BRD4: variants seen among roughly 807,000 people sequenced by gnomAD.
BRD4 encodes the protein bromodomain containing 4, also known as bromodomain-containing protein 4.
Under a neutral mutation model 142.1 loss-of-function variants are expected in BRD4, and 16 were observed. The ratio of observed to expected loss-of-function variants is 0.11; its 90% CI spans 0.08 to 0.17. The LOEUF (loss-of-function observed/expected upper bound fraction) is 0.17. Ranked by LOEUF, BRD4 falls within the 10% of genes least tolerant of loss-of-function variation. BRD4 has a pLI of 1.00. For missense variants in BRD4, 1,424 were observed against 1,810.9 expected (o/e 0.79, Z 3.88); for synonymous variants, 833 against 707.5 (o/e 1.18, Z -2.82).
rs1286545979 is a variant in BRD4, at chr19:15,239,199, G to A, written c.3642C>T (p.Ser1214=). 6.2e-7 allele frequency: 1 copy of A among 1,613,054 alleles called. No homozygotes were observed. The highest frequency in any genetic ancestry group is 8.5e-7 in the Non-Finnish European group (1 of 1,180,042). The change falls in exon 18 of 20, where the codon TCC becomes TCT. Residue 1214 remains serine, a synonymous_variant. Transcript: ENST00000679869. This position sits in a 1 kb window ranked among gnomAD's most constrained non-coding sequence, Gnocchi z 7.4. ...SLVQKHPTTP[S]STAKSSSDSF... ...TGTCGCTGGATGACTTGGCTGTGGA[G>A]GAGGGGGTGGTCGGATGCTTCTGCA...
At position 15,238,881 on chromosome 19, in the gene BRD4, C is replaced by CTGT. The variant is rs768491171; in HGVS notation, c.3879_3881dup (p.Gln1300dup). The CTGT allele has an allele frequency of 1.9e-6, 3 of 1,597,444 alleles. No individual in the cohort carries two copies. In the East Asian group the frequency reaches 6.8e-5, roughly 36 times the overall value. Reference sequence around the variant, plus strand: ...CAGCTGCTTGCTGTTGCTGCTGCTGCTGTTGCTCCTGGCGCTGCTGCTGCT... The same window carrying CTGT: ...CAGCTGCTTGCTGTTGCTGCTGCTGCTGTTGTTGCTCCTGGCGCTGCTGCTGCT... On this transcript the variant is annotated inframe_insertion, in exon 19 of 20. Transcript: ENST00000679869. The surrounding 1 kb of genome is among the most constrained non-coding windows in gnomAD (Gnocchi z 7.2).
chr19:15,303,328 C>G (rs2047887522), intron 1 of BRD4, among the ~76,000 whole-genome samples: 1 of 152,128 alleles, frequency 6.6e-6, no homozygotes, highest in African/African-American at 2.4e-5. Flanking sequence ...ACTAATGCTT[C>G]CTGGAGGACC....
Position 15,276,245 on chromosome 19 carries a change from T to C in BRD4, c.-34-3112A>G, listed in dbSNP as rs200393290. Reference sequence around the variant, plus strand: ...AGGAAAACCAACCACTTCTAGTCTGTTATGGGGCAAGAAAGAGAGGTACAG... The same window carrying C: ...AGGAAAACCAACCACTTCTAGTCTGCTATGGGGCAAGAAAGAGAGGTACAG... On this transcript the variant is annotated intron_variant, in intron 1 of 19. Coordinates refer to ENST00000679869, the MANE Select transcript of BRD4 (RefSeq NM_001379291.1). 6.6e-5 allele frequency among the ~76,000 whole-genome samples: 10 copies of C among 152,326 alleles called. No individual in the cohort carries two copies. In the East Asian group the frequency reaches 1.4e-3, roughly 21 times the overall value.
rs746064637 is a variant in BRD4 at position 15,254,164 on chromosome 19, C to T, written c.2146G>A (p.Asp716Asn). 1.2e-6 allele frequency: 2 copies of T among 1,614,184 alleles called. No homozygotes were observed. Among genetic ancestry groups the T allele is most frequent in the Non-Finnish European group, 1.7e-6 (2 of 1,180,008 alleles). The part of the protein sequence containing the change: ...SSESSSSDSE[D>N]SETEMAPKSK... ...CAAGTCACCTAACCTGTTTCGGAGT[C>T]TTCGCTGTCAGAGGAGCTGGACTCA... Residue 716 changes from aspartate to asparagine, a missense_variant, in exon 11 of 20, where the codon GAC becomes AAC. This residue lies in a region of BRD4 where 598 missense variants were observed against 647.8 expected (regional missense o/e 0.92). Transcript: ENST00000679869.
chr19:15,294,980 C>A (rs1421277467), intron 1 of BRD4, among the ~76,000 whole-genome samples: 1 of 152,188 alleles, frequency 6.6e-6, no homozygotes, highest in East Asian at 1.9e-4. Context: ...GAATGTTTTC[C>A]GTCTAAACAC....
intron 1 of BRD4, among the ~76,000 whole-genome samples, chr19:15,283,421 A>T (rs955686141): frequency 7.2e-5 from 11 of 152,206 alleles, no homozygotes; most frequent in African/African-American, 2.7e-4. Context: ...TCCTCATTTA[A>T]ATTTAAAACT....
At chr19:15,283,766 A>T (rs970425684) in intron 1 of BRD4, among the ~76,000 whole-genome samples, 2 of 152,190 alleles carry the variant, frequency 1.3e-5, no homozygotes, top group Admixed American at 6.5e-5. Flanking sequence ...CACGCCTCTT[A>T]AGTTTCTTCT....
intron 5 of BRD4, 142 bp downstream of exon 5, chr19:15,265,212 G>T: frequency 1.2e-6 from 1 of 847,292 alleles, no homozygotes; most frequent in Non-Finnish European, 1.7e-6. Context: ...CTGTTTCTGG[G>T]CTGCAATTTC....
At chr19:15,276,721 C>T (rs1319490923) in intron 1 of BRD4, among the ~76,000 whole-genome samples, 1 of 152,240 alleles carries the variant, frequency 6.6e-6, no homozygotes, top group Non-Finnish European at 1.5e-5. Context: ...ACAGTTCACA[C>T]TCTCACATGG....
At chr19:15,248,423 A>C (rs952349066) in intron 11 of BRD4, 6 of 216,526 alleles carry the variant, frequency 2.8e-5, no homozygotes, top group African/African-American at 6.8e-5. Flanking sequence ...CCACTAGAGG[A>C]GGCGGGTGGG....
intron 1 of BRD4, among the ~76,000 whole-genome samples, chr19:15,295,518 C>T (rs1425882371): frequency 1.3e-5 from 2 of 152,172 alleles, no homozygotes; most frequent in East Asian, 3.8e-4. Context: ...CACAGGGTAT[C>T]TACTTAATGC....
At chr19:15,275,158 C>G (rs1025219867) in intron 1 of BRD4, among the ~76,000 whole-genome samples, 1 of 152,190 alleles carries the variant, frequency 6.6e-6, no homozygotes, top group Non-Finnish European at 1.5e-5. Flanking sequence ...CATGCCCGGA[C>G]AGAAGCTGAA....
At chr19:15,307,096 T>C (rs1375007382) in intron 1 of BRD4, among the ~76,000 whole-genome samples, 1 of 151,840 alleles carries the variant, frequency 6.6e-6, no homozygotes, top group East Asian at 1.9e-4. Flanking sequence ...GGAAATGAAG[T>C]AGGGAAAGGA....
At chr19:15,256,357 C>T (rs1475933829) in intron 8 of BRD4, 94 bp from the exon 9 acceptor site, 4 of 1,479,406 alleles carry the variant, frequency 2.7e-6, no homozygotes, top group Non-Finnish European at 3.6e-6. Flanking sequence ...CATGCGACAG[C>T]ATGCACCTGG....
rs540327451 is a variant in BRD4 at position 15,255,607 on chromosome 19, T to C, written c.1752-15A>G. On this transcript the variant is annotated splice_polypyrimidine_tract_variant and intron_variant, in intron 9 of 19. Transcript: ENST00000679869. ...GCTCCTTCTTGCTACGAAGGGACGA[T>C]GCAGACACCATCAAGAACGGGCCCC... 3.8e-6 allele frequency: 6 copies of C among 1,587,050 alleles called. No individual in the cohort carries two copies. Among genetic ancestry groups the C allele is most frequent in the East Asian group, 2.3e-5 (1 of 44,336 alleles).
At chr19:15,273,212 G>A in intron 1 of BRD4, 79 bp from the exon 2 acceptor site, 2 of 1,414,558 alleles carry the variant, frequency 1.4e-6, no homozygotes, top group African/African-American at 2.9e-5. Context: ...CCCTCTGGCT[G>A]TGGTCTCCAA....
chr19:15,271,345 C>G (rs946388371), intron 2 of BRD4, among the ~76,000 whole-genome samples: 2 of 152,200 alleles, frequency 1.3e-5, no homozygotes, highest in African/African-American at 4.8e-5. Context: ...CCGTCGCAAT[C>G]TGGTTTCTAC....
intron 1 of BRD4, among the ~76,000 whole-genome samples, chr19:15,315,991 C>T (rs2048014453): frequency 6.7e-6 from 1 of 149,642 alleles, no homozygotes; most frequent in African/African-American, 2.5e-5. Context: ...CCCATCTCTA[C>T]TAAAAATACA....
chr19:15,315,726 G>A (rs1186535406), intron 1 of BRD4, among the ~76,000 whole-genome samples: 1 of 152,026 alleles, frequency 6.6e-6, no homozygotes, highest in East Asian at 1.9e-4. Context: ...CGTGGTGGCC[G>A]GCGCCTGTAG....
Sources: gnomAD v4.1 joint callset for allele counts (sites outside exome capture counted in the v4.1 genomes callset) on GRCh38, gnomAD v4.1.1 for gene constraint, gnomAD v4.1.1 regional missense constraint, Gnocchi (gnomAD v3.1) non-coding constraint, MANE v1.5 for transcripts, NCBI Gene and HGNC (gene_info 2026-07-23, HGNC 2026-07-21) for gene names.